DOK6: variants seen among roughly 807,000 people sequenced by gnomAD.
The protein encoded by DOK6 is downstream of tyrosine kinase 6.
Under a neutral mutation model 44.0 loss-of-function variants are expected in DOK6, and 22 were observed. The ratio of observed to expected loss-of-function variants is 0.50; its 90% CI spans 0.36 to 0.71. The LOEUF is 0.71. Ranked by LOEUF, DOK6 falls within the 30% of genes least tolerant of loss-of-function variation. The probability of loss-of-function intolerance (pLI) is 0.00; values close to 1 mark genes in which losing one functional copy is unlikely to be tolerated. For synonymous variants in DOK6, 166 were observed against 145.5 expected (o/e 1.14, Z -1.01); for missense variants, 340 against 416.4 (o/e 0.82, Z 1.60).
intron 3 of DOK6, among the ~76,000 whole-genome samples, chr18:69,635,278 C>CTTT (rs1568317576): frequency 6.6e-5 from 10 of 151,394 alleles, no homozygotes; most frequent in Admixed American, 1.3e-4. Context: ...ATATTTTTCT[C>CTTT]TTTTTTTCTC....
chr18:69,466,495 G>A (rs72957433), intron 1 of DOK6, among the ~76,000 whole-genome samples: 23,032 of 151,936 alleles, frequency 0.15, 1,881 homozygotes, highest in Middle Eastern at 0.31. Context: ...AGTTATCCCC[G>A]AGATAGTGTT....
intron 3 of DOK6, among the ~76,000 whole-genome samples, chr18:69,622,016 A>G (rs1984454386): frequency 6.6e-6 from 1 of 152,226 alleles, no homozygotes; most frequent in South Asian, 2.1e-4. Flanking sequence ...AAAATACTGT[A>G]CATATAGTAA....
chr18:69,672,516 G>A (rs1568329324), intron 3 of DOK6, among the ~76,000 whole-genome samples: 4 of 152,254 alleles, frequency 2.6e-5, no homozygotes, highest in Middle Eastern at 6.8e-3. Context: ...GCAGCACCGC[G>A]CCCGGCTAAT....
chr18:69,805,721 T>C (rs986906029), intron 7 of DOK6, among the ~76,000 whole-genome samples: 2 of 152,122 alleles, frequency 1.3e-5, no homozygotes, highest in African/African-American at 4.8e-5. Context: ...ATGTAAAGCA[T>C]ATATATGATA....
intron 1 of DOK6, among the ~76,000 whole-genome samples, chr18:69,409,706 AT>A (rs144437127): frequency 0.03 from 4,627 of 152,242 alleles, 122 homozygotes; most frequent in African/African-American, 0.061. Context: ...GAAAGTTAGT[AT>A]TTTTTCCCCA....
chr18:69,795,326 C>CTTAG (rs1160763192), intron 7 of DOK6, among the ~76,000 whole-genome samples: 2 of 152,066 alleles, frequency 1.3e-5, no homozygotes, highest in East Asian at 3.9e-4. Flanking sequence ...CTTTAAAATG[C>CTTAG]TTAGCCCTTC....
At chr18:69,629,391 G>A (rs1984635800) in intron 3 of DOK6, among the ~76,000 whole-genome samples, 1 of 152,076 alleles carries the variant, frequency 6.6e-6, no homozygotes, top group African/African-American at 2.4e-5. Context: ...CATGAATTAT[G>A]CTTATGACTG....
intron 1 of DOK6, among the ~76,000 whole-genome samples, chr18:69,559,592 A>G (rs1568296442): frequency 6.6e-6 from 1 of 152,144 alleles, no homozygotes; most frequent in Admixed American, 6.6e-5. Context: ...TACTCTGACA[A>G]CTACCACAAC....
chr18:69,653,291 A>G (rs1985277481), intron 3 of DOK6, among the ~76,000 whole-genome samples: 1 of 146,614 alleles, frequency 6.8e-6, no homozygotes, highest in African/African-American at 2.5e-5. Context: ...AGGCAGTCTT[A>G]TGAGACTGAG....
At chr18:69,628,843 G>A (rs1313113067) in intron 3 of DOK6, among the ~76,000 whole-genome samples, 1 of 152,190 alleles carries the variant, frequency 6.6e-6, no homozygotes, top group African/African-American at 2.4e-5. Flanking sequence ...ATGTGGGAAA[G>A]GCTTGTTGAT....
chr18:69,761,755 A>G (rs1004252362), intron 7 of DOK6, among the ~76,000 whole-genome samples: 2 of 152,078 alleles, frequency 1.3e-5, no homozygotes, highest in Admixed American at 6.6e-5. Flanking sequence ...TTGAATATTG[A>G]GAGGATGGTT....
At chr18:69,718,642 A>G (rs745836078) in intron 5 of DOK6, among the ~76,000 whole-genome samples, 2 of 152,224 alleles carry the variant, frequency 1.3e-5, no homozygotes, top group East Asian at 1.9e-4. Context: ...ATCACTTTCT[A>G]TTATGTTCAT....
At chr18:69,458,160 C>A in intron 1 of DOK6, among the ~76,000 whole-genome samples, 1 of 152,088 alleles carries the variant, frequency 6.6e-6, no homozygotes, top group Non-Finnish European at 1.5e-5. Context: ...CTCCGTGTTA[C>A]AAAAACAAAA....
intron 4 of DOK6, among the ~76,000 whole-genome samples, chr18:69,686,372 T>G (rs1203222318): frequency 6.6e-6 from 1 of 152,312 alleles, no homozygotes; most frequent in Admixed American, 6.5e-5. Context: ...TGCTCTACAG[T>G]TTTGGGCTTA....
chr18:69,425,159 A>G (rs144356389), intron 1 of DOK6, among the ~76,000 whole-genome samples: 1 of 152,058 alleles, frequency 6.6e-6, no homozygotes, highest in Admixed American at 6.6e-5. Context: ...ATAGAGAAGA[A>G]TTTTGCTGTT....
intron 5 of DOK6, chr18:69,704,978 G>A (rs1986602916): frequency 6.6e-6 from 1 of 152,166 alleles, no homozygotes; most frequent in South Asian, 2.1e-4. Flanking sequence ...CTGCTTGCCA[G>A]ATATCTTCAG....
chr18:69,525,092 G>A (rs188116411), intron 1 of DOK6, among the ~76,000 whole-genome samples: 108 of 151,796 alleles, frequency 7.1e-4, no homozygotes, highest in African/African-American at 2.3e-3. Context: ...TGGATAGGTA[G>A]AAATTACTAA....
chr18:69,639,719 G>C (rs1984894024), intron 3 of DOK6, among the ~76,000 whole-genome samples: 2 of 152,150 alleles, frequency 1.3e-5, no homozygotes, highest in African/African-American at 4.8e-5. Context: ...AAAGAAGAAA[G>C]AGTGGGGAGG....
At chr18:69,589,112 C>G (rs1044797324) in intron 2 of DOK6, among the ~76,000 whole-genome samples, 2 of 151,932 alleles carry the variant, frequency 1.3e-5, no homozygotes, top group African/African-American at 4.8e-5. Context: ...AATTTCTATG[C>G]AAATTTCATG....
Sources: allele counts gnomAD v4.1 joint callset (sites outside exome capture counted in the v4.1 genomes callset), GRCh38; gene constraint gnomAD v4.1.1; transcripts MANE v1.5; gene names NCBI Gene and HGNC (gene_info 2026-07-23, HGNC 2026-07-21).